Variants in COL19A1 observed in about 807,000 individuals in gnomAD.
The protein encoded by COL19A1 is collagen alpha-1(XIX) chain.
Under a neutral mutation model 190.2 loss-of-function variants are expected in COL19A1, and 159 were observed. The ratio of observed to expected loss-of-function variants is 0.84; its 90% CI spans 0.73 to 0.95. The LOEUF (loss-of-function observed/expected upper bound fraction) is 0.95, where lower values mean the gene tolerates loss of function less well. Ranked by LOEUF, COL19A1 falls within the 40% of genes least tolerant of loss-of-function variation. The pLI is 0.00. For missense variants in COL19A1, 1,418 were observed against 1,431.9 expected (o/e 0.99, Z 0.16); for synonymous variants, 509 against 458.9 (o/e 1.11, Z -1.39).
intron 20 of COL19A1, among the ~76,000 whole-genome samples, chr6:70,141,427 TG>T (rs1786243428): frequency 6.6e-6 from 1 of 152,134 alleles, no homozygotes; most frequent in South Asian, 2.1e-4. Context: ...CATCCTCTTT[TG>T]TATAACCTTA....
intron 48 of COL19A1, among the ~76,000 whole-genome samples, chr6:70,196,539 G>T (rs1293202664): frequency 6.6e-6 from 1 of 152,184 alleles, no homozygotes; most frequent in Non-Finnish European, 1.5e-5. Context: ...ATAGAAGATA[G>T]ACATGGGCCA....
chr6:70,010,343 C>A (rs2150094149), intron 11 of COL19A1, among the ~76,000 whole-genome samples: 1 of 149,466 alleles, frequency 6.7e-6, no homozygotes, highest in Middle Eastern at 3.4e-3. Context: ...CAAAACAAAG[C>A]AAACGAGGGA....
intron 9 of COL19A1, among the ~76,000 whole-genome samples, chr6:69,957,974 C>T (rs1417247488): frequency 6.6e-6 from 1 of 152,098 alleles, no homozygotes. Flanking sequence ...CACATTCAGT[C>T]AAGAAAGAGC....
chr6:69,922,004 A>G (rs769890695), intron 4 of COL19A1, among the ~76,000 whole-genome samples: 2 of 152,112 alleles, frequency 1.3e-5, no homozygotes, highest in African/African-American at 4.8e-5. Context: ...AGCTGTCATT[A>G]TATCTCTCTG....
At chr6:70,126,330 C>T (rs1184765648) in intron 17 of COL19A1, among the ~76,000 whole-genome samples, 1 of 152,158 alleles carries the variant, frequency 6.6e-6, no homozygotes, top group Non-Finnish European at 1.5e-5. Flanking sequence ...AAAGTGTAGG[C>T]TCCCTTGGAG....
At chr6:70,048,836 A>G (rs1049770510) in intron 14 of COL19A1, among the ~76,000 whole-genome samples, 14 of 152,072 alleles carry the variant, frequency 9.2e-5, no homozygotes, top group African/African-American at 3.4e-4. Context: ...ATTGAATTAA[A>G]CTAATTTTAA....
chr6:69,993,119 G>T (rs1239517309), intron 11 of COL19A1, among the ~76,000 whole-genome samples: 3 of 152,010 alleles, frequency 2.0e-5, no homozygotes, highest in Non-Finnish European at 2.9e-5. Context: ...TTATTATTTT[G>T]AGGTATGTTC....
chr6:69,935,635 T>C (rs577914559), intron 7 of COL19A1, among the ~76,000 whole-genome samples: 1 of 152,180 alleles, frequency 6.6e-6, no homozygotes, highest in South Asian at 2.1e-4. Context: ...GTAAACTAGT[T>C]GCTGTATTTC....
At chr6:69,917,099 T>G (rs954635005) in intron 4 of COL19A1, among the ~76,000 whole-genome samples, 8 of 152,230 alleles carry the variant, frequency 5.3e-5, no homozygotes, top group Admixed American at 1.3e-4. Context: ...TTCCAAGGAC[T>G]TGAAGACTTC....
chr6:70,137,278 A>G (rs1785929339), intron 18 of COL19A1, among the ~76,000 whole-genome samples: 1 of 152,166 alleles, frequency 6.6e-6, no homozygotes, highest in Non-Finnish European at 1.5e-5. Context: ...CAAAGAAAAA[A>G]GTGCCTGAAA....
In COL19A1 at chr6:70,184,976, T is replaced by A. The variant is rs145200850; in HGVS notation, c.2856+61T>A. On this transcript the variant is annotated intron_variant, in intron 46 of 50. Transcript: ENST00000620364. ...TGTCTGTTACAACTGTCCCATCATT[T>A]GAGTTACACAATTATGTGTGTAGAC... is the stretch of plus-strand genomic sequence containing the variant. The A allele has an allele frequency of 1.3e-4, 205 of 1,520,212 alleles. 1 individual carries two copies. In the East Asian group the frequency reaches 4.6e-3, roughly 34 times the overall value. The allele number at this position is 1,520,212 out of a possible 1,614,324, so 94.2% of individuals were successfully genotyped here.
At chr6:70,065,433 C>T (rs966828014) in intron 14 of COL19A1, among the ~76,000 whole-genome samples, 7 of 152,194 alleles carry the variant, frequency 4.6e-5, no homozygotes, top group Admixed American at 1.3e-4. Flanking sequence ...GGGTCCCTTC[C>T]TTACACCTTA....
At chr6:70,168,603 G>T in intron 39 of COL19A1, 52 bp from the exon 40 acceptor site, 1 of 1,590,408 alleles carries the variant, frequency 6.3e-7, no homozygotes, top group Non-Finnish European at 8.6e-7. Flanking sequence ...TTCTTATTCT[G>T]TAACTGCTTT....
intron 11 of COL19A1, among the ~76,000 whole-genome samples, chr6:70,000,087 C>G (rs749146680): frequency 1.3e-5 from 2 of 152,062 alleles, no homozygotes; most frequent in Non-Finnish European, 2.9e-5. Flanking sequence ...TCTCATTGCT[C>G]AACTCCCACT....
rs754069713 is a variant in COL19A1 at position 69,936,831 on chromosome 6, C to G, written c.794C>G (p.Thr265Ser). The change falls in exon 8 of 51, where the codon ACT becomes AGT. Residue 265 changes from threonine (T) to serine (S), a missense_variant. Coordinates refer to ENST00000620364, the MANE Select transcript of COL19A1 (RefSeq NM_001858.6). ...GGAAATATTGCATCATCATGGGTAA[C>G]TGCTCATGCCAGTAAAATGTCTTCA... ...GFGNIASSWVTAHASKMSSYL... is the reference protein window; with the variant it reads ...GFGNIASSWVSAHASKMSSYL... 1.2e-6 allele frequency: 2 copies of G among 1,613,176 alleles called. No individual in the cohort carries two copies. Among genetic ancestry groups the G allele is most frequent in the East Asian group, 4.5e-5 (2 of 44,876 alleles).
At chr6:69,916,812 G>A (rs1443475564) in intron 4 of COL19A1, among the ~76,000 whole-genome samples, 1 of 152,136 alleles carries the variant, frequency 6.6e-6, no homozygotes, top group African/African-American at 2.4e-5. Context: ...TGGTAATGAT[G>A]AGGGGAATTT....
At chr6:69,927,800 C>T (rs2150010129) in intron 4 of COL19A1, 109 bp from the exon 5 acceptor site, 1 of 1,359,032 alleles carries the variant, frequency 7.4e-7, no homozygotes, top group Admixed American at 2.4e-5. Flanking sequence ...TACACATTTA[C>T]TGAGAAAAAT....
At chr6:70,069,154 A>G (rs1781413012) in intron 15 of COL19A1, among the ~76,000 whole-genome samples, 3 of 152,200 alleles carry the variant, frequency 2.0e-5, no homozygotes, top group Admixed American at 6.6e-5. Context: ...GTGCTTATTT[A>G]TGGCAGTCTT....
intron 1 of COL19A1, among the ~76,000 whole-genome samples, chr6:69,868,879 A>G (rs994069747): frequency 2.0e-5 from 3 of 152,240 alleles, no homozygotes; most frequent in South Asian, 4.1e-4. Flanking sequence ...CACAGAGTCA[A>G]TGGTTCTAGA....
Sources: gnomAD v4.1 joint callset for allele counts (sites outside exome capture counted in the v4.1 genomes callset) on GRCh38, gnomAD v4.1.1 for gene constraint, MANE v1.5 for transcripts, NCBI Gene and HGNC (gene_info 2026-07-23, HGNC 2026-07-21) for gene names.